Variants in TTC17 observed in about 807,000 individuals in gnomAD.
The protein encoded by TTC17 is tetratricopeptide repeat protein 17.
Under a neutral mutation model 143.8 loss-of-function variants are expected in TTC17, and 58 were observed. That is an observed-to-expected ratio of 0.40 (90% CI 0.33 to 0.50). TTC17 has a LOEUF of 0.50. TTC17 is among the 20% of genes least tolerant of loss of function. The probability of loss-of-function intolerance (pLI) is 0.49; values close to 1 mark genes in which losing one functional copy is unlikely to be tolerated. For missense variants in TTC17, 1,273 were observed against 1,392.5 expected, an observed-to-expected ratio of 0.91 and a Z score of 1.37; for synonymous variants, 501 against 497.8, an observed-to-expected ratio of 1.01 and a Z score of -0.09.
At chr11:43,452,216 C>A (rs543684765) in intron 21 of TTC17, among the ~76,000 whole-genome samples, 5 of 152,216 alleles carry the variant, frequency 3.3e-5, no homozygotes, top group Admixed American at 3.3e-4. Context: ...TAAAAGAAAA[C>A]CGGTCGGGCC....
chr11:43,402,039 A>C (rs978511461), intron 10 of TTC17, among the ~76,000 whole-genome samples: 1 of 151,744 alleles, frequency 6.6e-6, no homozygotes, highest in African/African-American at 2.4e-5. Context: ...AAAGAGCGAG[A>C]GAGAGATTTT....
chr11:43,393,196 C>G (rs1857453587), intron 5 of TTC17, among the ~76,000 whole-genome samples: 2 of 152,272 alleles, frequency 1.3e-5, no homozygotes, highest in South Asian at 4.2e-4. Flanking sequence ...GCACAGACCC[C>G]ACAGGTCAAG....
intron 21 of TTC17, among the ~76,000 whole-genome samples, chr11:43,464,518 G>A (rs187581990): frequency 7.2e-5 from 11 of 151,936 alleles, no homozygotes; most frequent in African/African-American, 1.2e-4. Context: ...TCAAACAGGC[G>A]CAATGAACAA....
chr11:43,436,304 G>A, intron 16 of TTC17: 1 of 1,314,946 alleles, frequency 7.6e-7, no homozygotes, highest in South Asian at 2.5e-5. Context: ...TGAGAATTCA[G>A]GGAGGGACTC....
At chr11:43,401,849 G>A (rs1185623490) in intron 10 of TTC17, among the ~76,000 whole-genome samples, 1 of 151,930 alleles carries the variant, frequency 6.6e-6, no homozygotes, top group Admixed American at 6.6e-5. Context: ...ATGGTGGCAT[G>A]CACCTGTAGT....
intron 10 of TTC17, among the ~76,000 whole-genome samples, chr11:43,402,539 G>A (rs1857911981): frequency 6.6e-6 from 1 of 151,704 alleles, no homozygotes; most frequent in Non-Finnish European, 1.5e-5. Context: ...TGAATAAGTG[G>A]TACAGACAGC....
chr11:43,380,428 G>T (rs557398838), intron 2 of TTC17, among the ~76,000 whole-genome samples: 2 of 152,230 alleles, frequency 1.3e-5, no homozygotes, highest in South Asian at 4.1e-4. Flanking sequence ...GCTAATTTTT[G>T]TGCTTTTAGT....
At chr11:43,484,492 TAAG>T (rs1357642279) in intron 21 of TTC17, among the ~76,000 whole-genome samples, 2 of 152,196 alleles carry the variant, frequency 1.3e-5, no homozygotes, top group Non-Finnish European at 1.5e-5. Flanking sequence ...TGTTCATGGA[TAAG>T]AAGACACATG....
chr11:43,397,910 GT>G, intron 7 of TTC17, 63 bp from the exon 8 acceptor site: 1 of 640,184 alleles, frequency 1.6e-6, no homozygotes, highest in Non-Finnish European at 2.1e-6. Context: ...CCGTGTGTGT[GT>G]GTGTGTGTGT....
At chr11:43,467,360 C>A (rs1371989962) in intron 21 of TTC17, among the ~76,000 whole-genome samples, 6 of 152,180 alleles carry the variant, frequency 3.9e-5, no homozygotes, top group African/African-American at 1.4e-4. Context: ...AATTCCAACA[C>A]ATGCTACAAC....
Position 43,384,618 on chromosome 11 carries a change from C to T in TTC17, c.250-5034C>T, listed in dbSNP as rs75915982. On this transcript the variant is annotated intron_variant, in intron 2 of 23. Coordinates refer to ENST00000039989, the MANE Select transcript of TTC17 (RefSeq NM_018259.6). Reference sequence around the variant, plus strand: ...TGAGTGAGCTGAGATTGCACCACACCACTGCACTCTAGCAGCCTGGGTCAC... The same window carrying T: ...TGAGTGAGCTGAGATTGCACCACACTACTGCACTCTAGCAGCCTGGGTCAC... 6.2e-3 allele frequency among the ~76,000 whole-genome samples: 939 copies of T among 152,260 alleles called. 13 individuals are homozygous for T. Among genetic ancestry groups the T allele is most frequent in the African/African-American group, 0.021 (886 of 41,548 alleles).
At chr11:43,493,609 C>T (rs1948509369) in intron 23 of TTC17, among the ~76,000 whole-genome samples, 164 bp from the exon 24 acceptor site, 1 of 152,158 alleles carries the variant, frequency 6.6e-6, no homozygotes, top group African/African-American at 2.4e-5. Context: ...GCAGCTGTTT[C>T]CTCCCAGAGG....
chr11:43,423,170 A>G (rs1745301299), intron 16 of TTC17, among the ~76,000 whole-genome samples: 1 of 152,198 alleles, frequency 6.6e-6, no homozygotes, highest in Non-Finnish European at 1.5e-5. Context: ...GATGAGAGTG[A>G]AGAGGTACAG....
chr11:43,402,204 G>A (rs1395989369), intron 10 of TTC17, among the ~76,000 whole-genome samples: 1 of 151,904 alleles, frequency 6.6e-6, no homozygotes, highest in East Asian at 1.9e-4. Context: ...CTAGAATTGG[G>A]CTATTATTAT....
At chr11:43,406,006 G>A in intron 13 of TTC17, 55 bp downstream of exon 13, 3 of 1,565,650 alleles carry the variant, frequency 1.9e-6, no homozygotes, top group South Asian at 1.2e-5. Context: ...GACTTCAGAA[G>A]CCTCTTAAAT....
intron 5 of TTC17, among the ~76,000 whole-genome samples, chr11:43,393,384 A>G (rs148534856): frequency 6.6e-6 from 1 of 152,188 alleles, no homozygotes; most frequent in East Asian, 1.9e-4. Flanking sequence ...GATGCAATTC[A>G]GGAACAGCCA....
At chr11:43,367,063 C>G (rs1443333113) in intron 1 of TTC17, among the ~76,000 whole-genome samples, 1 of 152,174 alleles carries the variant, frequency 6.6e-6, no homozygotes, top group Non-Finnish European at 1.5e-5. Context: ...TTGGGCCTAC[C>G]TACTTAGGTA....
intron 18 of TTC17, chr11:43,446,299 T>G (rs1947539888): frequency 1.7e-6 from 1 of 580,928 alleles, no homozygotes; most frequent in Non-Finnish European, 2.4e-6. Flanking sequence ...CCTTGTTACC[T>G]TCAGGCAGAA....
At chr11:43,373,099 T>G (rs1226726827) in intron 1 of TTC17, among the ~76,000 whole-genome samples, 1 of 152,192 alleles carries the variant, frequency 6.6e-6, no homozygotes, top group Non-Finnish European at 1.5e-5. Flanking sequence ...AAGTGAAATT[T>G]CAAGTAATTT....
Sources: allele counts gnomAD v4.1 joint callset (sites outside exome capture counted in the v4.1 genomes callset), GRCh38; gene constraint gnomAD v4.1.1; transcripts MANE v1.5; gene names NCBI Gene and HGNC (gene_info 2026-07-23, HGNC 2026-07-21).